The following CTBP2 variants were observed in gnomAD, a reference collection of about 807,000 sequenced individuals.
CTBP2 encodes C-terminal-binding protein 2.
CTBP2 carries 30 observed loss-of-function variants against 80.3 expected under a neutral mutation model. The observed-to-expected ratio is 0.37, with a 90% CI of 0.28 to 0.51. The LOEUF (loss-of-function observed/expected upper bound fraction) is 0.51, where lower values mean the gene tolerates loss of function less well. CTBP2 is among the 20% of genes least tolerant of loss of function. CTBP2 has a pLI of 0.93. For missense variants in CTBP2, 1,212 were observed against 1,375.3 expected (o/e 0.88, Z 1.88); for synonymous variants, 594 against 587.4 (o/e 1.01, Z -0.16).
chr10:125,072,216 G>T (rs1411182718), intron 2 of CTBP2, among the ~76,000 whole-genome samples: 1 of 152,194 alleles, frequency 6.6e-6, no homozygotes, highest in Admixed American at 6.5e-5. Context: ...GGAGGCTGTG[G>T]TTGCAGTGAG....
At chr10:125,153,070 A>G (rs1001072494) in intron 1 of CTBP2, among the ~76,000 whole-genome samples, 3 of 152,230 alleles carry the variant, frequency 2.0e-5, no homozygotes, top group African/African-American at 4.8e-5. Context: ...CTGTGCCAGG[A>G]GCCCACGCAG....
At chr10:125,128,938 G>A (rs578053839) in intron 1 of CTBP2, among the ~76,000 whole-genome samples, 2 of 152,300 alleles carry the variant, frequency 1.3e-5, no homozygotes, top group South Asian at 2.1e-4. Flanking sequence ...AACTGCGGTC[G>A]AGTCATTCAG....
intron 2 of CTBP2, among the ~76,000 whole-genome samples, chr10:125,087,930 A>G (rs1373388854): frequency 6.6e-6 from 1 of 152,182 alleles, no homozygotes; most frequent in African/African-American, 2.4e-5. Flanking sequence ...ACAATACTCC[A>G]AGGACAGGTG....
upstream of CTBP2, among the ~76,000 whole-genome samples, chr10:125,030,901 A>G (rs1032070183): frequency 6.6e-6 from 1 of 152,146 alleles, no homozygotes. Context: ...TGCCTCCACC[A>G]ACACAAAGGG....
In CTBP2 at chr10:125,130,038, TCTC is replaced by T. The variant is rs1401796363; in HGVS notation, c.-205-18948_-205-18946del. On this transcript the variant is annotated intron_variant, in intron 1 of 10. Transcript: ENST00000337195. Reference sequence around the variant, plus strand: ...CCCCAGGTATAGCCCACAGGATTTCTCTCTTTTTTTTTTTTTTTCTTCTTTTGA... The same window carrying T: ...CCCCAGGTATAGCCCACAGGATTTCTTTTTTTTTTTTTTTTCTTCTTTTGA... Among the ~76,000 whole-genome samples, 690 of 70,884 alleles carry T rather than the reference TCTC, an allele frequency of 9.7e-3. 3 individuals are homozygous for T. The highest frequency in any genetic ancestry group is 0.016 in the Non-Finnish European group (512 of 32,522). 46.5% of individuals were successfully genotyped at this position (70,884 alleles called of 152,430 possible).
chr10:125,094,228 A>C (rs940966404), intron 2 of CTBP2, among the ~76,000 whole-genome samples: 1 of 152,206 alleles, frequency 6.6e-6, no homozygotes, highest in Non-Finnish European at 1.5e-5. Flanking sequence ...TCAGACAGCC[A>C]AGTGTCAATG....
intron 8 of CTBP2, among the ~76,000 whole-genome samples, chr10:124,991,728 T>G (rs904850080): frequency 6.6e-6 from 1 of 152,128 alleles, no homozygotes; most frequent in South Asian, 2.1e-4. Context: ...AGGCCAGGCC[T>G]CCTACGAGAG....
At chr10:125,103,126 A>G (rs1850898774) in intron 2 of CTBP2, among the ~76,000 whole-genome samples, 1 of 152,184 alleles carries the variant, frequency 6.6e-6, no homozygotes, top group African/African-American at 2.4e-5. Context: ...CCTCCCCTGA[A>G]CAGGTAGTAT....
chr10:125,031,405 C>T (rs1958176897), upstream of CTBP2, among the ~76,000 whole-genome samples: 1 of 134,762 alleles, frequency 7.4e-6, no homozygotes, highest in South Asian at 2.4e-4. Context: ...AGGAGAATGG[C>T]GTGAACCCGG....
chr10:124,984,426 T>G lies in CTBP2; in HGVS notation c.*5092A>C. 1 of 209,208 alleles carries G rather than the reference T, an allele frequency of 4.8e-6. No individual in the cohort carries two copies. The highest frequency in any genetic ancestry group is 9.4e-6 in the Non-Finnish European group (1 of 106,062). 13.0% of individuals were successfully genotyped at this position (209,208 alleles called of 1,614,324 possible). A position where few individuals can be genotyped will look rare whatever the true frequency, so the allele number is the denominator to read the frequency against. On this transcript the variant is annotated 3_prime_UTR_variant, in exon 9 of 9. Transcript: ENST00000309035. ...AGACCGTAACTTGTATAATTTCAGC[T>G]TGTACATAATTGACTAAGTAAACTT...
At chr10:125,096,354 T>G (rs940073375) in intron 2 of CTBP2, among the ~76,000 whole-genome samples, 1 of 152,050 alleles carries the variant, frequency 6.6e-6, no homozygotes, top group Non-Finnish European at 1.5e-5. Flanking sequence ...TTATGAAAAG[T>G]GAAAAAGAAA....
At chr10:125,159,290 A>G (rs966928179) in intron 1 of CTBP2, among the ~76,000 whole-genome samples, 2 of 148,992 alleles carry the variant, frequency 1.3e-5, no homozygotes, top group African/African-American at 4.9e-5. Context: ...CCCCACCCGA[A>G]AAGTGCGGCC....
rs560950599 is a variant in CTBP2 at position 125,024,722 on chromosome 10, T to C, written c.1678+1360A>G. 7.2e-5 allele frequency among the ~76,000 whole-genome samples: 11 copies of C among 152,298 alleles called. No individual in the cohort carries two copies. In the South Asian group the frequency reaches 2.1e-3, roughly 29 times the overall value. ...CAGATGAAATTACTGGAGCAACAAA[T>C]GTCATCGCCATGCAAATCAGTTGGT... is the stretch of plus-strand genomic sequence containing the variant. On this transcript the variant is annotated intron_variant, in intron 1 of 8. Coordinates refer to ENST00000309035, the MANE Select transcript of CTBP2 (RefSeq NM_022802.3).
intron 3 of CTBP2, among the ~76,000 whole-genome samples, chr10:125,033,580 C>G (rs3781397): frequency 0.086 from 13,083 of 152,216 alleles, 761 homozygotes; most frequent in Admixed American, 0.17. Flanking sequence ...GTGTGAAGCG[C>G]GCAGAAGGTT....
intron 1 of CTBP2, among the ~76,000 whole-genome samples, chr10:125,007,359 C>T (rs2134344137): frequency 6.6e-6 from 1 of 152,380 alleles, no homozygotes; most frequent in South Asian, 2.1e-4. Context: ...CATCCCTGGG[C>T]CTGGTATTGC....
chr10:125,118,483 C>T (rs1470569891), intron 1 of CTBP2, among the ~76,000 whole-genome samples: 1 of 152,124 alleles, frequency 6.6e-6, no homozygotes, highest in Non-Finnish European at 1.5e-5. Flanking sequence ...AGTGGATCCA[C>T]GAGCAAGCAG....
At chr10:125,010,074 A>G (rs1955695429) in intron 1 of CTBP2, among the ~76,000 whole-genome samples, 1 of 152,148 alleles carries the variant, frequency 6.6e-6, no homozygotes, top group South Asian at 2.1e-4. Context: ...TGCAGAGAAG[A>G]CTGCGGGCAA....
At chr10:125,134,643 C>A (rs958939575) in intron 1 of CTBP2, among the ~76,000 whole-genome samples, 3 of 152,154 alleles carry the variant, frequency 2.0e-5, no homozygotes, top group Non-Finnish European at 4.4e-5. Context: ...TGCCCCCGCA[C>A]CACAGCAGCC....
intron 2 of CTBP2, among the ~76,000 whole-genome samples, chr10:125,079,445 G>T (rs1229648750): frequency 6.6e-6 from 1 of 152,214 alleles, no homozygotes; most frequent in African/African-American, 2.4e-5. Context: ...TAGGGATTCA[G>T]TCCTGCGAAT....
Sources: allele counts gnomAD v4.1 joint callset (sites outside exome capture counted in the v4.1 genomes callset), GRCh38; gene constraint gnomAD v4.1.1; transcripts MANE v1.5; gene names NCBI Gene and HGNC (gene_info 2026-07-23, HGNC 2026-07-21).